Variants in NRCAM observed in about 807,000 individuals in gnomAD.
NRCAM encodes neuronal cell adhesion molecule, also known as NgCAM-related cell adhesion molecule.
In NRCAM, 83 loss-of-function variants were observed where a neutral mutation model predicts 156.5. That is an observed-to-expected ratio of 0.53 (90% CI 0.44 to 0.64). The LOEUF (loss-of-function observed/expected upper bound fraction) is 0.64, where lower values mean the gene tolerates loss of function less well. Among genes scored for constraint, NRCAM ranks in the 30% least tolerant of loss-of-function variants. The pLI is 0.00. For synonymous variants in NRCAM, 538 were observed against 563.9 expected, an observed-to-expected ratio of 0.95 and a Z score of 0.65; for missense variants, 1,417 against 1,597.3, an observed-to-expected ratio of 0.89 and a Z score of 1.92.
intron 2 of NRCAM, among the ~76,000 whole-genome samples, chr7:108,317,241 A>G (rs929658321): frequency 6.6e-6 from 1 of 152,250 alleles, no homozygotes; most frequent in African/African-American, 2.4e-5. Flanking sequence ...GCTCTGCCCT[A>G]TCTAATAGAG....
intron 17 of NRCAM, among the ~76,000 whole-genome samples, chr7:108,193,285 G>C (rs532229643): frequency 2.0e-5 from 3 of 152,200 alleles, no homozygotes; most frequent in Non-Finnish European, 4.4e-5. Flanking sequence ...AGTTCTTCCA[G>C]GGTCATTGAC....
chr7:108,262,470 G>A (rs1310325875), intron 3 of NRCAM, among the ~76,000 whole-genome samples: 1 of 152,058 alleles, frequency 6.6e-6, no homozygotes, highest in Admixed American at 6.5e-5. Context: ...ATTTAGAGAG[G>A]CCAGATAACT....
chr7:108,440,189 C>T (rs919307511), intron 1 of NRCAM, among the ~76,000 whole-genome samples: 2 of 152,082 alleles, frequency 1.3e-5, no homozygotes, highest in Non-Finnish European at 2.9e-5. Context: ...ATACGTGTTA[C>T]AACATGGAGA....
intron 3 of NRCAM, among the ~76,000 whole-genome samples, chr7:108,290,882 C>T (rs2098268464): frequency 6.6e-6 from 1 of 152,146 alleles, no homozygotes; most frequent in African/African-American, 2.4e-5. Context: ...TGCAGCACTG[C>T]TGGACCATGG....
At chr7:108,255,512 G>A (rs1370677287) in intron 3 of NRCAM, among the ~76,000 whole-genome samples, 6 of 152,206 alleles carry the variant, frequency 3.9e-5, no homozygotes, top group Non-Finnish European at 7.4e-5. Flanking sequence ...ATCTCGGCTC[G>A]CTACAACCTC....
chr7:108,174,138 A>G (rs1437701136), intron 28 of NRCAM, among the ~76,000 whole-genome samples: 1 of 152,258 alleles, frequency 6.6e-6, no homozygotes, highest in African/African-American at 2.4e-5. Context: ...ATACAAATAA[A>G]TAGAAGTAAG....
chr7:108,341,402 G>A (rs561228071), intron 2 of NRCAM, among the ~76,000 whole-genome samples: 26 of 152,242 alleles, frequency 1.7e-4, no homozygotes, highest in South Asian at 8.3e-4. Context: ...CTATCCGAGG[G>A]GTCCTAGGAC....
intron 3 of NRCAM, among the ~76,000 whole-genome samples, chr7:108,271,206 A>G (rs2097333102): frequency 1.3e-5 from 2 of 152,232 alleles, no homozygotes; most frequent in Admixed American, 6.5e-5. Context: ...TTTAAAAATT[A>G]CGGTTTCCAA....
At chr7:108,204,070 G>A (rs985437361) in intron 13 of NRCAM, among the ~76,000 whole-genome samples, 5 of 152,184 alleles carry the variant, frequency 3.3e-5, no homozygotes, top group Admixed American at 6.5e-5. Flanking sequence ...GCAAACTCCA[G>A]ATGGGAAGCA....
chr7:108,446,067 T>C (rs1217808060), intron 1 of NRCAM, among the ~76,000 whole-genome samples: 5 of 151,684 alleles, frequency 3.3e-5, no homozygotes, highest in African/African-American at 9.7e-5. Context: ...CGGAGGAAAA[T>C]GACAAGCACC....
chr7:108,306,851 A>G (rs1159523187), intron 3 of NRCAM, among the ~76,000 whole-genome samples: 2 of 152,210 alleles, frequency 1.3e-5, no homozygotes, highest in Admixed American at 1.3e-4. Context: ...CAATCCATTT[A>G]CACATCTCTT....
At chr7:108,274,223 G>A (rs1324700419) in intron 3 of NRCAM, among the ~76,000 whole-genome samples, 1 of 152,116 alleles carries the variant, frequency 6.6e-6, no homozygotes, top group Non-Finnish European at 1.5e-5. Context: ...GGCTATGTGG[G>A]CTCTTTTTTG....
At chr7:108,278,284 G>A (rs572946019) in intron 3 of NRCAM, among the ~76,000 whole-genome samples, 6 of 152,332 alleles carry the variant, frequency 3.9e-5, no homozygotes, top group Admixed American at 1.3e-4. Flanking sequence ...CTGTCAGGCA[G>A]GGACGTTTAA....
At chr7:108,191,111 T>A (rs1444564712) in intron 19 of NRCAM, 143 bp downstream of exon 19, 3 of 569,986 alleles carry the variant, frequency 5.3e-6, no homozygotes, top group Non-Finnish European at 8.9e-6. Flanking sequence ...TGTCAGTAAA[T>A]GGGTGACACA....
At chr7:108,184,893 A>G (rs1327278308) in intron 20 of NRCAM, among the ~76,000 whole-genome samples, 1 of 152,090 alleles carries the variant, frequency 6.6e-6, no homozygotes, top group Non-Finnish European at 1.5e-5. Context: ...TCATATATTT[A>G]AACTTTTTAG....
chr7:108,173,020 T>C (rs541264928), intron 28 of NRCAM, among the ~76,000 whole-genome samples: 25 of 149,312 alleles, frequency 1.7e-4, no homozygotes, highest in African/African-American at 5.5e-4. Flanking sequence ...GGAGTTTTGC[T>C]CGTTGCCCAG....
At chr7:108,183,786 C>T (rs1475750498) in intron 22 of NRCAM, among the ~76,000 whole-genome samples, 2 of 152,130 alleles carry the variant, frequency 1.3e-5, no homozygotes, top group Non-Finnish European at 2.9e-5. Context: ...CTGCCCGCCT[C>T]GGCCTCCCAA....
intron 3 of NRCAM, among the ~76,000 whole-genome samples, chr7:108,267,617 T>C (rs569597754): frequency 1.3e-5 from 2 of 152,354 alleles, no homozygotes; most frequent in South Asian, 2.1e-4. Flanking sequence ...TTTTATTCCT[T>C]ACGCTTTATT....
At position 108,224,088 on chromosome 7, in the gene NRCAM, A is replaced by G. The variant is rs1448809990; in HGVS notation, c.779-252T>C. Among the ~76,000 whole-genome samples, 4 of 151,990 alleles carry G rather than the reference A, an allele frequency of 2.6e-5. No homozygotes were observed. In the East Asian group the frequency reaches 7.7e-4, roughly 29 times the overall value. On this transcript the variant is annotated intron_variant, in intron 10 of 32. Coordinates refer to ENST00000379028, the MANE Select transcript of NRCAM (RefSeq NM_001037132.4). The stretch of plus-strand genomic sequence containing the variant: ...AATAAGGACTGTTTTCCTTTTGTAT[A>G]CTCCCTTAATTTGGGTTAGGTTTTT...
Sources: gnomAD v4.1 joint callset for allele counts (sites outside exome capture counted in the v4.1 genomes callset) on GRCh38, gnomAD v4.1.1 for gene constraint, MANE v1.5 for transcripts, NCBI Gene and HGNC (gene_info 2026-07-23, HGNC 2026-07-21) for gene names.